Variants in SLC44A1 observed in about 807,000 individuals in gnomAD.
SLC44A1 encodes the protein solute carrier family 44 member 1, also known as choline transporter-like protein 1.
A neutral mutation model predicts 79.3 loss-of-function variants in SLC44A1; 26 were observed. That is an observed-to-expected ratio of 0.33 (90% CI 0.24 to 0.46). The LOEUF is 0.46. SLC44A1 is among the 20% of genes least tolerant of loss of function. The probability of loss-of-function intolerance (pLI) is 1.00; values close to 1 mark genes in which losing one functional copy is unlikely to be tolerated. For synonymous variants in SLC44A1, 263 were observed against 286.2 expected, an observed-to-expected ratio of 0.92 and a Z score of 0.82; for missense variants, 688 against 798.1, an observed-to-expected ratio of 0.86 and a Z score of 1.66.
At position 105,296,665 on chromosome 9, in the gene SLC44A1, TTC is replaced by T. The variant is rs552134412; in HGVS notation, c.37-2551_37-2550del. ...AATGAATATCAAACATGTGTCCAAA[TTC>T]TCTGTTTGGAAGCAGTTTTACTGTA... On this transcript the variant is annotated intron_variant, in intron 1 of 15. Transcript: ENST00000374720. Among the ~76,000 whole-genome samples the T allele has an allele frequency of 1.8e-3, 277 of 152,346 alleles. 1 individual carries two copies. The highest frequency in any genetic ancestry group is 3.1e-3 in the Non-Finnish European group (213 of 68,036).
downstream of SLC44A1, among the ~76,000 whole-genome samples, chr9:105,401,419 A>G (rs1019169803): frequency 2.0e-5 from 3 of 152,246 alleles, no homozygotes. Flanking sequence ...TACTTAAAAT[A>G]GAATATACCT....
At chr9:105,397,880 G>A (rs1182059686), downstream of SLC44A1, among the ~76,000 whole-genome samples, 1 of 152,090 alleles carries the variant, frequency 6.6e-6, no homozygotes, top group Non-Finnish European at 1.5e-5. Flanking sequence ...CCCGGGAGGC[G>A]GAGCTTGCAG....
intron 4 of SLC44A1, among the ~76,000 whole-genome samples, chr9:105,339,912 G>A (rs1827034539): frequency 6.6e-6 from 1 of 152,150 alleles, no homozygotes; most frequent in South Asian, 2.1e-4. Flanking sequence ...AGGAAAGAAT[G>A]TCATATGCTA....
chr9:105,335,579 G>A lies in SLC44A1; in HGVS notation c.286G>A (p.Asp96Asn), dbSNP rs1278798998. ...ATGCTTTAGGTATGTATTCTTTTTG[G>A]ATCCATGCAACCTGGACTTGATAAA... Reference protein sequence around the residue: ...HTQRKYVFFLDPCNLDLINRK... With the variant: ...HTQRKYVFFLNPCNLDLINRK... The change falls in exon 4 of 16, where the codon GAT (aspartate) becomes AAT (asparagine). Residue 96 changes from aspartate (D) to asparagine (N), a missense_variant. Coordinates refer to ENST00000374720, the MANE Select transcript of SLC44A1 (RefSeq NM_080546.5). The A allele has an allele frequency of 3.7e-6, 6 of 1,610,950 alleles. No individual in the cohort carries two copies. The highest frequency in any genetic ancestry group is 3.4e-5 in the Admixed American group (2 of 59,664).
intron 10 of SLC44A1, among the ~76,000 whole-genome samples, chr9:105,364,973 A>G (rs560828645): frequency 3.9e-5 from 6 of 152,346 alleles, no homozygotes; most frequent in African/African-American, 1.4e-4. Flanking sequence ...AATTGTATTT[A>G]GCAGAAGAAT....
chr9:105,393,702 A>G lies in SLC44A1; in HGVS notation c.*4646A>G, dbSNP rs776679476. 64 of 984,656 alleles carry G rather than the reference A, an allele frequency of 6.5e-5. No individual in the cohort carries two copies. Among genetic ancestry groups the G allele is most frequent in the Non-Finnish European group, 7.2e-5 (60 of 829,352 alleles). The allele number at this position is 984,656 out of a possible 1,614,324, so 61.0% of individuals were successfully genotyped here. A position where few individuals can be genotyped will look rare whatever the true frequency, so the allele number is the denominator to read the frequency against. On this transcript the variant is annotated 3_prime_UTR_variant, in exon 16 of 16. Transcript: ENST00000374720. Reference sequence around the variant, plus strand: ...ATTCAGTTTCAATATTGCATGAACAATTGCCACTTTGTAAATTATATGGAC... The same window carrying G: ...ATTCAGTTTCAATATTGCATGAACAGTTGCCACTTTGTAAATTATATGGAC...
At chr9:105,251,575 A>G (rs1829589409) in intron 1 of SLC44A1, among the ~76,000 whole-genome samples, 1 of 152,240 alleles carries the variant, frequency 6.6e-6, no homozygotes, top group East Asian at 1.9e-4. Context: ...ACCCTGGACA[A>G]CAAGACCCTG....
intron 15 of SLC44A1, among the ~76,000 whole-genome samples, chr9:105,431,605 G>T (rs946263144): frequency 9.2e-5 from 14 of 152,190 alleles, no homozygotes; most frequent in African/African-American, 3.4e-4. Context: ...ATCATAAAAA[G>T]GGCATGCGCC....
Position 105,392,422 on chromosome 9 carries a change from T to TCCGTGAGGGCA in SLC44A1, c.*3366_*3367insCCGTGAGGGCA. 1.0e-6 allele frequency: 1 copy of TCCGTGAGGGCA among 980,260 alleles called. No homozygotes were observed. Among genetic ancestry groups the TCCGTGAGGGCA allele is most frequent in the Non-Finnish European group, 1.2e-6 (1 of 828,112 alleles). 60.7% of individuals were successfully genotyped at this position (980,260 alleles called of 1,614,324 possible). A position where few individuals can be genotyped will look rare whatever the true frequency, so the allele number is the denominator to read the frequency against. Reference sequence around the variant, plus strand: ...CTCTCTCTTTTTTTTTTTTTTTTTTTTTTTTTTTCCGTGAGGGCATTAGGC... The same window carrying TCCGTGAGGGCA: ...CTCTCTCTTTTTTTTTTTTTTTTTTTCCGTGAGGGCATTTTTTTTCCGTGAGGGCATTAGGC... On this transcript the variant is annotated 3_prime_UTR_variant, in exon 16 of 16. Coordinates refer to ENST00000374720, the MANE Select transcript of SLC44A1 (RefSeq NM_080546.5).
chr9:105,418,105 C>T (rs1829196464), intron 15 of SLC44A1, among the ~76,000 whole-genome samples: 1 of 151,826 alleles, frequency 6.6e-6, no homozygotes, highest in South Asian at 2.1e-4. Context: ...CACCTGAGGT[C>T]AGGAGTTCAA....
In SLC44A1 at chr9:105,391,595, A is replaced by G; in HGVS notation, c.*2539A>G. On this transcript the variant is annotated 3_prime_UTR_variant, in exon 16 of 16. Transcript: ENST00000374720. ...TGAGCTTTATTCCTTGATTAATTTGATAAAGCCTCACAGAGGATTTTAAGC... is the reference window on the plus strand; with the variant it reads ...TGAGCTTTATTCCTTGATTAATTTGGTAAAGCCTCACAGAGGATTTTAAGC... The G allele has an allele frequency of 2.0e-6, 2 of 985,206 alleles. No homozygotes were observed. Among genetic ancestry groups the G allele is most frequent in the Non-Finnish European group, 2.4e-6 (2 of 829,746 alleles). 61.0% of individuals were successfully genotyped at this position (985,206 alleles called of 1,614,324 possible). A position where few individuals can be genotyped will look rare whatever the true frequency, so the allele number is the denominator to read the frequency against.
At chr9:105,351,376 A>C (rs530007005) in intron 5 of SLC44A1, among the ~76,000 whole-genome samples, 2 of 151,966 alleles carry the variant, frequency 1.3e-5, no homozygotes, top group East Asian at 3.9e-4. Context: ...TCTACCAAAA[A>C]CACAAAAATT....
At chr9:105,397,902 C>T (rs1238496163), downstream of SLC44A1, among the ~76,000 whole-genome samples, 2 of 151,736 alleles carry the variant, frequency 1.3e-5, no homozygotes, top group Non-Finnish European at 2.9e-5. Flanking sequence ...GAGCCAAGAT[C>T]GCATCACCGC....
At chr9:105,333,637 C>A (rs144293458) in intron 3 of SLC44A1, among the ~76,000 whole-genome samples, 211 of 152,124 alleles carry the variant, frequency 1.4e-3, no homozygotes, top group African/African-American at 4.9e-3. Context: ...TGGTGAAACC[C>A]CGTTTCTACT....
chr9:105,351,594 A>AG (rs1564452723), intron 5 of SLC44A1, among the ~76,000 whole-genome samples: 16 of 107,888 alleles, frequency 1.5e-4, no homozygotes, highest in African/African-American at 6.8e-4. Context: ...GAAAGAGAGA[A>AG]AGAGAAAGAA....
At chr9:105,251,428 T>C (rs1260361783) in intron 1 of SLC44A1, among the ~76,000 whole-genome samples, 3 of 152,198 alleles carry the variant, frequency 2.0e-5, no homozygotes, top group Non-Finnish European at 4.4e-5. Context: ...TCCGTAACTG[T>C]TCATGCTCCC....
intron 15 of SLC44A1, among the ~76,000 whole-genome samples, chr9:105,413,327 T>A (rs1829121681): frequency 1.3e-5 from 2 of 152,200 alleles, no homozygotes; most frequent in Non-Finnish European, 2.9e-5. Context: ...GAAGTGGTCG[T>A]ATGACATAGT....
chr9:105,302,412 G>A (rs964404692), intron 2 of SLC44A1, among the ~76,000 whole-genome samples: 56 of 151,836 alleles, frequency 3.7e-4, no homozygotes, highest in African/African-American at 1.3e-3. Context: ...AGAGTGCAGG[G>A]TGCGATCTTG....
chr9:105,316,919 TTC>T (rs1831343088), intron 3 of SLC44A1, among the ~76,000 whole-genome samples: 1 of 152,216 alleles, frequency 6.6e-6, no homozygotes, highest in African/African-American at 2.4e-5. Context: ...AACAACGAAG[TTC>T]TGTAAATCAG....
Sources: allele counts gnomAD v4.1 joint callset (sites outside exome capture counted in the v4.1 genomes callset), GRCh38; gene constraint gnomAD v4.1.1; transcripts MANE v1.5; gene names NCBI Gene and HGNC (gene_info 2026-07-23, HGNC 2026-07-21).